Variants in ELAVL1 observed in about 807,000 individuals in gnomAD.
The protein encoded by ELAVL1 is ELAV-like protein 1.
ELAVL1 carries 1 observed loss-of-function variant against 28.4 expected under a neutral mutation model. The observed-to-expected ratio is 0.04, with a 90% CI of 0.01 to 0.17. ELAVL1 has a LOEUF of 0.17. ELAVL1 is among the 10% of genes least tolerant of loss of function. ELAVL1 has a pLI of 1.00. For missense variants in ELAVL1, 157 were observed against 447.2 expected (o/e 0.35, Z 5.85); for synonymous variants, 174 against 183.5 (o/e 0.95, Z 0.42).
chr19:7,993,685 G>A (rs1266977568), intron 1 of ELAVL1, among the ~76,000 whole-genome samples: 1 of 151,594 alleles, frequency 6.6e-6, no homozygotes, highest in African/African-American at 2.4e-5. Context: ...AAACACACAG[G>A]TAGTCATCCC....
chr19:7,976,093 TAAA>T (rs879767762), intron 3 of ELAVL1, among the ~76,000 whole-genome samples: 2 of 136,624 alleles, frequency 1.5e-5, no homozygotes. Context: ...GTCCTGTCTT[TAAA>T]AAAAAAAAAA....
At chr19:7,996,875 C>G (rs922971209) in intron 1 of ELAVL1, among the ~76,000 whole-genome samples, 4 of 152,084 alleles carry the variant, frequency 2.6e-5, no homozygotes, top group Admixed American at 1.3e-4. Flanking sequence ...AAGATTTGAA[C>G]AGATACTATA....
At chr19:7,992,120 T>C (rs1448018998) in intron 1 of ELAVL1, among the ~76,000 whole-genome samples, 4 of 152,130 alleles carry the variant, frequency 2.6e-5, no homozygotes, top group African/African-American at 7.2e-5. Flanking sequence ...TTTGTATTTT[T>C]AGTAGAGACG....
chr19:7,966,580 C>G (rs918217629), intron 5 of ELAVL1, among the ~76,000 whole-genome samples: 1 of 152,200 alleles, frequency 6.6e-6, no homozygotes, highest in Non-Finnish European at 1.5e-5. Context: ...CCGAGTATAC[C>G]TAAGGCAGCA....
At position 7,981,250 on chromosome 19, in the gene ELAVL1, G is replaced by A. The variant is rs1030133484; in HGVS notation, c.173-64C>T. Reference sequence around the variant, plus strand: ...TCTGCGAGTGAGGGACAGGGAGGTCGGGAAGCACTATATCTGCCTGGCCTT... The same window carrying A: ...TCTGCGAGTGAGGGACAGGGAGGTCAGGAAGCACTATATCTGCCTGGCCTT... On this transcript the variant is annotated intron_variant, in intron 2 of 5. Coordinates refer to ENST00000407627, the MANE Select transcript of ELAVL1 (RefSeq NM_001419.3). This position sits in a 1 kb window ranked among gnomAD's most constrained non-coding sequence, Gnocchi z 4.2. The A allele has an allele frequency of 3.6e-5, 55 of 1,525,844 alleles. No homozygotes were observed. The highest frequency in any genetic ancestry group is 1.7e-4 in the Middle Eastern group (1 of 5,892). The allele number at this position is 1,525,844 out of a possible 1,614,324, so 94.5% of individuals were successfully genotyped here. A position where few individuals can be genotyped will look rare whatever the true frequency, so the allele number is the denominator to read the frequency against.
At position 8,005,597 on chromosome 19, in the gene ELAVL1, TGGCGGCGACGGCGACGGCGGCAGC is replaced by T. The variant is rs2081085062; in HGVS notation, c.-143_-120del. On this transcript the variant is annotated 5_prime_UTR_variant, in exon 1 of 6. Transcript: ENST00000407627. ...TCGGCCTCGGTAGCGGTGGCGGCGG[TGGCGGCGACGGCGACGGCGGCAGC>T]GGCTCCTCCTCAGCGCGCACGACCC... 6.8e-6 allele frequency: 1 copy of T among 147,774 alleles called. No homozygotes were observed. Among genetic ancestry groups the T allele is most frequent in the South Asian group, 1.8e-4 (1 of 5,624 alleles). The allele number at this position is 147,774 out of a possible 1,614,324, so 9.2% of individuals were successfully genotyped here. A position where few individuals can be genotyped will look rare whatever the true frequency, so the allele number is the denominator to read the frequency against.
intron 1 of ELAVL1, among the ~76,000 whole-genome samples, chr19:7,992,084 G>T (rs1327488150): frequency 6.6e-6 from 1 of 152,086 alleles, no homozygotes; most frequent in Non-Finnish European, 1.5e-5. Flanking sequence ...GGGATTACAG[G>T]CGTCTGCCAC....
At chr19:7,966,910 A>G (rs895094658) in intron 5 of ELAVL1, among the ~76,000 whole-genome samples, 2 of 152,054 alleles carry the variant, frequency 1.3e-5, no homozygotes, top group Non-Finnish European at 2.9e-5. Flanking sequence ...GTGCTCCCCC[A>G]CACTGGGCAT....
intron 1 of ELAVL1, chr19:8,002,148 G>A (rs2081070159): frequency 2.3e-6 from 3 of 1,287,866 alleles, no homozygotes; most frequent in South Asian, 1.2e-5. Context: ...GAACCCACGT[G>A]GTTCTTTGAA....
At position 7,963,737 on chromosome 19, in the gene ELAVL1, C is replaced by T. The variant is rs1984872863; in HGVS notation, c.727G>A (p.Gly243Ser). 2 of 1,614,278 alleles carry T rather than the reference C, an allele frequency of 1.2e-6. No individual in the cohort carries two copies. Among genetic ancestry groups the T allele is most frequent in the Middle Eastern group, 1.6e-4 (1 of 6,062 alleles). Residue 243 changes from glycine (G) to serine (S), a missense_variant, in exon 6 of 6, where the codon GGC becomes AGC. By Grantham distance (56) the Gly-to-Ser change is moderately conservative. Transcript: ENST00000407627. The surrounding 1 kb of genome is among the most constrained non-coding windows in gnomAD (Gnocchi z 4.5). ...GVNVPGNASSGWCIFIYNLGQ... is the reference protein window; with the variant it reads ...GVNVPGNASSSWCIFIYNLGQ... ...AGGTTGTAGATGAAAATGCACCAGC[C>T]GGAGGAGGCGTTTCCTGGCACGTTG...
At chr19:7,967,182 C>T (rs1340532419) in intron 5 of ELAVL1, among the ~76,000 whole-genome samples, 3 of 152,254 alleles carry the variant, frequency 2.0e-5, no homozygotes, top group East Asian at 3.9e-4. Flanking sequence ...ACTACAGGAG[C>T]GCACCGCCAT....
chr19:7,999,068 C>G (rs895038130), intron 1 of ELAVL1, among the ~76,000 whole-genome samples: 1 of 152,166 alleles, frequency 6.6e-6, no homozygotes, highest in African/African-American at 2.4e-5. Flanking sequence ...CAGGCTGGCT[C>G]ATCTTTAAAA....
At chr19:7,998,556 T>C (rs1414386462) in intron 1 of ELAVL1, among the ~76,000 whole-genome samples, 2 of 152,220 alleles carry the variant, frequency 1.3e-5, no homozygotes, top group Non-Finnish European at 2.9e-5. Flanking sequence ...TCACTCCAGC[T>C]TCTTGCCAAT....
At position 7,996,615 on chromosome 19, in the gene ELAVL1, G is replaced by A. The variant is rs150058970; in HGVS notation, c.-16-4784C>T. On this transcript the variant is annotated intron_variant, in intron 1 of 5. Coordinates refer to ENST00000407627, the MANE Select transcript of ELAVL1 (RefSeq NM_001419.3). ...GAGGTCAGGAGTTTGAGACCAGTCC[G>A]GCCAACATGGTGAAACCCCATCTCT... Among the ~76,000 whole-genome samples the A allele has an allele frequency of 8.3e-3, 1,255 of 151,994 alleles. 8 individuals are homozygous for A. The highest frequency in any genetic ancestry group is 8.7e-3 in the Non-Finnish European group (591 of 67,952).
intron 1 of ELAVL1, among the ~76,000 whole-genome samples, chr19:7,994,716 T>C (rs1190366732): frequency 6.6e-6 from 1 of 152,182 alleles, no homozygotes; most frequent in Admixed American, 6.5e-5. Context: ...TGCAGGATCT[T>C]TCTACAGAAA....
intron 5 of ELAVL1, among the ~76,000 whole-genome samples, chr19:7,964,247 G>C (rs1404375110): frequency 2.0e-5 from 3 of 152,072 alleles, no homozygotes; most frequent in Non-Finnish European, 4.4e-5. Context: ...TCCAAATTTT[G>C]CACCTTCCCC....
intron 2 of ELAVL1, among the ~76,000 whole-genome samples, chr19:7,991,152 A>G (rs531735534): frequency 6.6e-6 from 1 of 152,238 alleles, no homozygotes; most frequent in Non-Finnish European, 1.5e-5. Flanking sequence ...CAGTAGACAG[A>G]GCAGCCCAAA....
At chr19:8,002,123 C>G (rs1477371324) in intron 1 of ELAVL1, 1 of 1,289,426 alleles carries the variant, frequency 7.8e-7, no homozygotes, top group East Asian at 5.5e-5. Context: ...CCATCTCAGC[C>G]TTCTTGTCCC....
rs115314347 is a variant in ELAVL1, at chr19:7,978,293, A to G, written c.276+2790T>C. 9.8e-3 allele frequency among the ~76,000 whole-genome samples: 1,486 copies of G among 152,362 alleles called. 25 individuals carry two copies. The highest frequency in any genetic ancestry group is 0.035 in the African/African-American group (1,435 of 41,582). ...TTGAGTTTGTGCTAAGTGATGGCTC[A>G]GGATGGGCTCCGACACCAGAAAGAC... On this transcript the variant is annotated intron_variant, in intron 3 of 5. Transcript: ENST00000407627.
Sources: gnomAD v4.1 joint callset for allele counts (sites outside exome capture counted in the v4.1 genomes callset) on GRCh38, gnomAD v4.1.1 for gene constraint, Gnocchi (gnomAD v3.1) non-coding constraint, MANE v1.5 for transcripts, NCBI Gene and HGNC (gene_info 2026-07-23, HGNC 2026-07-21) for gene names.